The following MCTP1 variants were observed in gnomAD, a reference collection of about 807,000 sequenced individuals.
MCTP1 encodes the protein multiple C2 and transmembrane domain containing 1, also known as multiple C2 and transmembrane domain-containing protein 1.
In MCTP1, 69 loss-of-function variants were observed where a neutral mutation model predicts 120.6. The observed-to-expected ratio is 0.57, with a 90% CI of 0.47 to 0.70. The LOEUF is 0.70. Among genes scored for constraint, MCTP1 ranks in the 30% least tolerant of loss-of-function variants. The pLI, the probability that MCTP1 is intolerant of heterozygous loss-of-function variation, is 0.00. For missense variants in MCTP1, 1,203 were observed against 1,248.8 expected (o/e 0.96, Z 0.55); for synonymous variants, 529 against 493.1 (o/e 1.07, Z -0.96).
chr5:94,825,251 T>C (rs971355889), intron 17 of MCTP1, among the ~76,000 whole-genome samples: 2 of 152,340 alleles, frequency 1.3e-5, no homozygotes, highest in South Asian at 2.1e-4. Context: ...TTTGTTCTCA[T>C]TGGTTTCAAA....
intron 19 of MCTP1, among the ~76,000 whole-genome samples, chr5:94,729,804 T>C (rs1484458041): frequency 6.6e-6 from 1 of 152,174 alleles, no homozygotes; most frequent in Non-Finnish European, 1.5e-5. Context: ...AGAGGGAGGC[T>C]TGTAACCAGA....
chr5:95,022,630 G>T (rs1838415283), intron 1 of MCTP1, among the ~76,000 whole-genome samples: 1 of 152,094 alleles, frequency 6.6e-6, no homozygotes, highest in Non-Finnish European at 1.5e-5. Flanking sequence ...ACATCAATGG[G>T]AATCTAAATA....
intron 2 of MCTP1, among the ~76,000 whole-genome samples, chr5:94,972,939 A>T (rs994861561): frequency 1.3e-5 from 2 of 152,136 alleles, no homozygotes; most frequent in Non-Finnish European, 2.9e-5. Flanking sequence ...AATGAACAAA[A>T]AAAAAACCAC....
At chr5:95,186,011 C>A (rs1658122147) in intron 1 of MCTP1, among the ~76,000 whole-genome samples, 1 of 151,642 alleles carries the variant, frequency 6.6e-6, no homozygotes, top group Non-Finnish European at 1.5e-5. Flanking sequence ...AACAAACAAA[C>A]AAAAAACCCT....
intron 2 of MCTP1, among the ~76,000 whole-genome samples, chr5:95,015,989 T>C (rs575544555): frequency 5.6e-4 from 85 of 152,272 alleles, no homozygotes; most frequent in African/African-American, 1.9e-3. Flanking sequence ...GCTGTAAATA[T>C]AGCAAAATAA....
At chr5:94,847,682 G>GTGTGTGTGTATATATATATATA (rs1169588105) in intron 17 of MCTP1, among the ~76,000 whole-genome samples, 2 of 102,376 alleles carry the variant, frequency 2.0e-5, no homozygotes, top group African/African-American at 7.7e-5. Context: ...GTGTGTGTGT[G>GTGTGTGTGTATATATATATATA]TATATATATA....
chr5:95,171,386 G>A (rs1488377490), intron 1 of MCTP1, among the ~76,000 whole-genome samples: 1 of 152,070 alleles, frequency 6.6e-6, no homozygotes, highest in African/African-American at 2.4e-5. Flanking sequence ...ACAATTATGT[G>A]TCTTGGAGTT....
At chr5:94,794,072 C>G (rs1779507174) in intron 18 of MCTP1, among the ~76,000 whole-genome samples, 1 of 152,196 alleles carries the variant, frequency 6.6e-6, no homozygotes, top group African/African-American at 2.4e-5. Context: ...GACTCTGTCT[C>G]AATTTGTGTC....
Position 95,042,226 on chromosome 5 carries a change from C to T in MCTP1, c.721-24742G>A, listed in dbSNP as rs141960308. 1.4e-4 allele frequency among the ~76,000 whole-genome samples: 22 copies of T among 152,174 alleles called. 2 individuals carry two copies. The highest frequency in any genetic ancestry group is 4.6e-4 in the African/African-American group (19 of 41,530). The stretch of plus-strand genomic sequence containing the variant: ...GAAGTATTTATTTATACAACCAAAG[C>T]AAATAGTATTAGGCATATTTACCGG... On this transcript the variant is annotated intron_variant, in intron 1 of 22. Transcript: ENST00000515393.
chr5:95,037,063 G>A (rs1841463742), intron 1 of MCTP1, among the ~76,000 whole-genome samples: 1 of 152,200 alleles, frequency 6.6e-6, no homozygotes, highest in Non-Finnish European at 1.5e-5. Flanking sequence ...ATGCCAACAT[G>A]GAAAAACATG....
At chr5:95,013,407 C>T (rs893222311) in intron 2 of MCTP1, among the ~76,000 whole-genome samples, 3 of 152,120 alleles carry the variant, frequency 2.0e-5, no homozygotes, top group African/African-American at 4.8e-5. Flanking sequence ...AAGATGCCAT[C>T]GAGAACTTTC....
chr5:94,915,225 T>C (rs73776953), intron 8 of MCTP1, among the ~76,000 whole-genome samples: 3,371 of 152,332 alleles, frequency 0.022, 124 homozygotes, highest in African/African-American at 0.075. Flanking sequence ...AGCCCCATTT[T>C]ACTGATGGAA....
chr5:95,193,125 A>G (rs796793379), intron 1 of MCTP1, among the ~76,000 whole-genome samples: 5 of 152,292 alleles, frequency 3.3e-5, no homozygotes, highest in African/African-American at 1.2e-4. Context: ...TTTAAAAACT[A>G]ATTTTGGAGC....
chr5:94,924,484 A>T (rs1581386226), intron 6 of MCTP1, among the ~76,000 whole-genome samples: 1 of 152,300 alleles, frequency 6.6e-6, no homozygotes, highest in African/African-American at 2.4e-5. Context: ...AAAAATTCCA[A>T]ATTTTATAAT....
intron 1 of MCTP1, among the ~76,000 whole-genome samples, chr5:95,049,382 C>T (rs1745333418): frequency 6.6e-6 from 1 of 152,104 alleles, no homozygotes; most frequent in Admixed American, 6.6e-5. Flanking sequence ...TTTGTTCAAG[C>T]AGATGCCTCA....
At chr5:95,149,522 T>C (rs916205716) in intron 1 of MCTP1, among the ~76,000 whole-genome samples, 7 of 151,744 alleles carry the variant, frequency 4.6e-5, no homozygotes, top group African/African-American at 1.7e-4. Context: ...TTAGGAGCAG[T>C]GGGGCTGGGT....
intron 2 of MCTP1, among the ~76,000 whole-genome samples, chr5:94,987,764 C>A (rs1317786780): frequency 6.6e-6 from 1 of 151,930 alleles, no homozygotes; most frequent in Non-Finnish European, 1.5e-5. Context: ...TTTTAGGGGG[C>A]AGTGTGGGCA....
intron 19 of MCTP1, among the ~76,000 whole-genome samples, chr5:94,756,492 A>G (rs139768613): frequency 9.2e-5 from 14 of 152,340 alleles, no homozygotes; most frequent in Non-Finnish European, 1.8e-4. Flanking sequence ...GGTGTCATCT[A>G]TAGCATTATG....
chr5:95,241,876 C>T (rs578088861), intron 1 of MCTP1, among the ~76,000 whole-genome samples: 2 of 152,138 alleles, frequency 1.3e-5, no homozygotes, highest in Non-Finnish European at 2.9e-5. Flanking sequence ...GCAAAATAGT[C>T]TGAAAAGCTA....
Sources: gnomAD v4.1 joint callset for allele counts (sites outside exome capture counted in the v4.1 genomes callset) on GRCh38, gnomAD v4.1.1 for gene constraint, MANE v1.5 for transcripts, NCBI Gene and HGNC (gene_info 2026-07-23, HGNC 2026-07-21) for gene names.